The following PTPRN2 variants were observed in gnomAD, a reference collection of about 807,000 sequenced individuals.
The protein encoded by PTPRN2 is protein tyrosine phosphatase receptor type N2.
Under a neutral mutation model 118.8 loss-of-function variants are expected in PTPRN2, and 74 were observed. The observed-to-expected ratio is 0.62, with a 90% CI of 0.52 to 0.76. The LOEUF is 0.76. PTPRN2 is among the 30% of genes least tolerant of loss of function. The pLI is 0.00. For synonymous variants in PTPRN2, 641 were observed against 608.0 expected (o/e 1.05, Z -0.80); for missense variants, 1,481 against 1,394.4 (o/e 1.06, Z -0.99).
chr7:158,558,196 G>C (rs1188519757), intron 1 of PTPRN2, among the ~76,000 whole-genome samples: 1 of 152,118 alleles, frequency 6.6e-6, no homozygotes, highest in Non-Finnish European at 1.5e-5. Flanking sequence ...ATGTTGCCCA[G>C]CCTGGTCTTG....
At position 158,276,207 on chromosome 7, in the gene PTPRN2, C is replaced by T. The variant is rs1170339751; in HGVS notation, c.277+40612G>A. Among the ~76,000 whole-genome samples the T allele has an allele frequency of 4.3e-5, 5 of 116,278 alleles. 1 individual carries two copies. Among genetic ancestry groups the T allele is most frequent in the African/African-American group, 1.4e-4 (5 of 35,430 alleles). The allele number at this position is 116,278 out of a possible 152,430, so 76.3% of individuals were successfully genotyped here. A position where few individuals can be genotyped will look rare whatever the true frequency, so the allele number is the denominator to read the frequency against. On this transcript the variant is annotated intron_variant, in intron 3 of 22. Transcript: ENST00000389418. The stretch of plus-strand genomic sequence containing the variant: ...CCTTGAAGCACAGCTCCTGCCCTGG[C>T]CCCGGCAGGCTGTAAGGTAGCACCC...
chr7:158,377,814 C>T (rs891267759), intron 2 of PTPRN2, among the ~76,000 whole-genome samples: 1 of 152,190 alleles, frequency 6.6e-6, no homozygotes, highest in Admixed American at 6.5e-5. Context: ...CTGGTACGGC[C>T]CTGCACGGAG....
rs533905223 is a variant in PTPRN2 at position 157,754,688 on chromosome 7, G to A, written c.1789-71751C>T. Among the ~76,000 whole-genome samples the A allele has an allele frequency of 2.0e-5, 3 of 152,342 alleles. No individual in the cohort carries two copies. The South Asian group carries it at 6.2e-4, about 32-fold the overall frequency. Reference sequence around the variant, plus strand: ...ATCTTTGTGTTTTACTGAAGTTCACGGGGTGCCCCCAGCCCTACTTGGCAT... The same window carrying A: ...ATCTTTGTGTTTTACTGAAGTTCACAGGGTGCCCCCAGCCCTACTTGGCAT... On this transcript the variant is annotated intron_variant, in intron 12 of 22. Coordinates refer to ENST00000389418, the MANE Select transcript of PTPRN2 (RefSeq NM_002847.5).
At chr7:158,328,394 C>T (rs1335734936) in intron 2 of PTPRN2, among the ~76,000 whole-genome samples, 3 of 152,214 alleles carry the variant, frequency 2.0e-5, no homozygotes, top group Admixed American at 2.0e-4. Context: ...GACCCTATAT[C>T]GCTGGAAATT....
At chr7:158,065,655 G>A (rs1479690055) in intron 11 of PTPRN2, among the ~76,000 whole-genome samples, 3 of 152,160 alleles carry the variant, frequency 2.0e-5, no homozygotes, top group African/African-American at 4.8e-5. Context: ...CACAACCAGC[G>A]GATAATGAGT....
chr7:158,073,146 T>C (rs1206662928), intron 11 of PTPRN2, among the ~76,000 whole-genome samples: 1 of 152,130 alleles, frequency 6.6e-6, no homozygotes, highest in Non-Finnish European at 1.5e-5. Flanking sequence ...GCACCACCTT[T>C]GCACTCAGCA....
chr7:157,930,617 C>T (rs906988407), intron 11 of PTPRN2, among the ~76,000 whole-genome samples: 3 of 152,220 alleles, frequency 2.0e-5, no homozygotes, highest in Non-Finnish European at 2.9e-5. Context: ...TCTCCTGCTG[C>T]CCCTGGCCCT....
intron 13 of PTPRN2, among the ~76,000 whole-genome samples, chr7:157,670,242 T>C (rs1010824061): frequency 6.6e-6 from 1 of 152,166 alleles, no homozygotes; most frequent in Non-Finnish European, 1.5e-5. Flanking sequence ...AGAAGGCACG[T>C]ACGGGCTCAC....
chr7:158,552,285 GC>G (rs914650405), intron 1 of PTPRN2, among the ~76,000 whole-genome samples: 5 of 146,612 alleles, frequency 3.4e-5, no homozygotes, highest in African/African-American at 2.6e-5. Context: ...ATGCATTTGA[GC>G]CCCCGCCACC....
At chr7:157,747,210 C>G (rs1171565784) in intron 12 of PTPRN2, among the ~76,000 whole-genome samples, 4 of 136,334 alleles carry the variant, frequency 2.9e-5, no homozygotes, top group Non-Finnish European at 6.3e-5. Flanking sequence ...AGGCCTGCGT[C>G]CCTGAGCTGT....
At chr7:158,484,507 C>T (rs1456952548) in intron 2 of PTPRN2, among the ~76,000 whole-genome samples, 1 of 152,178 alleles carries the variant, frequency 6.6e-6, no homozygotes, top group Non-Finnish European at 1.5e-5. Context: ...GGATCACAGG[C>T]ACGCGCCACC....
At chr7:158,202,543 C>T (rs1826722151) in intron 4 of PTPRN2, among the ~76,000 whole-genome samples, 1 of 152,150 alleles carries the variant, frequency 6.6e-6, no homozygotes, top group Non-Finnish European at 1.5e-5. Flanking sequence ...CCACCAAAGC[C>T]AGAGGCCCAG....
At chr7:157,541,494 A>AAG (rs1309278267) in intron 22 of PTPRN2, among the ~76,000 whole-genome samples, 4 of 152,226 alleles carry the variant, frequency 2.6e-5, no homozygotes, top group African/African-American at 7.2e-5. Flanking sequence ...CGCTCCTCCA[A>AAG]AGACCAGGGC....
Position 157,794,211 on chromosome 7 carries a change from G to A in PTPRN2, c.1788+104462C>T, listed in dbSNP as rs1162959636. Among the ~76,000 whole-genome samples, 11 of 143,928 alleles carry A rather than the reference G, an allele frequency of 7.6e-5. No homozygotes were observed. Among genetic ancestry groups the A allele is most frequent in the African/African-American group, 2.5e-4 (9 of 35,622 alleles). 94.4% of individuals were successfully genotyped at this position (143,928 alleles called of 152,430 possible). On this transcript the variant is annotated intron_variant, in intron 12 of 22. Transcript: ENST00000389418. The surrounding 1 kb of genome is among the most constrained non-coding windows in gnomAD (Gnocchi z 5.2). ...TGACCCGGGATCACACCTCCGACCC[G>A]GGCTCACACCTCCCCTCGTTCTCTG... is the stretch of plus-strand genomic sequence containing the variant.
intron 21 of PTPRN2, among the ~76,000 whole-genome samples, chr7:157,555,832 C>CA (rs1798847239): frequency 6.6e-6 from 1 of 152,218 alleles, no homozygotes; most frequent in Non-Finnish European, 1.5e-5. Context: ...CATTCAAATA[C>CA]ATGACGAATG....
intron 6 of PTPRN2, among the ~76,000 whole-genome samples, chr7:158,142,373 T>A (rs982089661): frequency 5.3e-5 from 8 of 152,234 alleles, no homozygotes; most frequent in African/African-American, 1.9e-4. Flanking sequence ...GCCTCCGGAC[T>A]GACGCTGGCG....
chr7:158,500,033 T>TAA lies in PTPRN2; in HGVS notation c.113-10250_113-10249dup, dbSNP rs34436604. Among the ~76,000 whole-genome samples the TAA allele has an allele frequency of 6.0e-3, 734 of 121,530 alleles. 4 individuals are homozygous for TAA. The highest frequency in any genetic ancestry group is 0.015 in the African/African-American group (469 of 31,518). The allele number at this position is 121,530 out of a possible 152,430, so 79.7% of individuals were successfully genotyped here. On this transcript the variant is annotated intron_variant, in intron 1 of 22. Transcript: ENST00000389418. ...ATGATTAGAACTCTTACACTTGAGC[T>TAA]AAAAAAAAAAAAAAAAAAGGTTTAT...
chr7:157,792,441 C>T (rs1196048489), intron 12 of PTPRN2, among the ~76,000 whole-genome samples: 2 of 152,206 alleles, frequency 1.3e-5, no homozygotes, highest in East Asian at 3.9e-4. Context: ...CCATCTCCAC[C>T]CCCAGGGAGC....
rs570937978 is a variant in PTPRN2 at position 157,965,923 on chromosome 7, G to T, written c.1724-67186C>A. Among the ~76,000 whole-genome samples the T allele has an allele frequency of 2.3e-4, 35 of 152,298 alleles. No individual in the cohort carries two copies. In the South Asian group the frequency reaches 7.3e-3, roughly 32 times the overall value. ...AGGAAGCCCTCGAGAGCCACTGAAC[G>T]CCTCTGTGCCCAGCACTTTGACCAG... On this transcript the variant is annotated intron_variant, in intron 11 of 22. Transcript: ENST00000389418.
Sources: allele counts gnomAD v4.1 joint callset (sites outside exome capture counted in the v4.1 genomes callset), GRCh38; gene constraint gnomAD v4.1.1; non-coding constraint Gnocchi (gnomAD v3.1); transcripts MANE v1.5; gene names NCBI Gene and HGNC (gene_info 2026-07-23, HGNC 2026-07-21).